ATRNL1: variants seen among roughly 807,000 people sequenced by gnomAD.
ATRNL1 encodes the protein attractin like 1, also known as attractin-like protein 1.
Under a neutral mutation model 182.7 loss-of-function variants are expected in ATRNL1, and 95 were observed. The observed-to-expected ratio is 0.52, with a 90% CI of 0.44 to 0.62. The LOEUF (loss-of-function observed/expected upper bound fraction) is 0.62. Ranked by LOEUF, ATRNL1 falls within the 20% of genes least tolerant of loss-of-function variation. The pLI, the probability that ATRNL1 is intolerant of heterozygous loss-of-function variation, is 0.00. For missense variants in ATRNL1, 1,471 were observed against 1,679.5 expected (o/e 0.88, Z 2.17); for synonymous variants, 576 against 568.3 (o/e 1.01, Z -0.19).
At position 115,172,434 on chromosome 10, in the gene ATRNL1, G is replaced by A. The variant is rs149387209; in HGVS notation, c.1348+1142G>A. 4.8e-3 allele frequency among the ~76,000 whole-genome samples: 734 copies of A among 151,982 alleles called. 5 individuals are homozygous for A. The highest frequency in any genetic ancestry group is 0.016 in the African/African-American group (647 of 41,510). The stretch of plus-strand genomic sequence containing the variant: ...CTGTCACTGTGTCCAGAATACATAA[G>A]GCAAATATTTTTATGTTGTAAATAT... On this transcript the variant is annotated intron_variant, in intron 8 of 28. Coordinates refer to ENST00000355044, the MANE Select transcript of ATRNL1 (RefSeq NM_207303.4).
At chr10:115,556,309 A>G (rs1473209154) in intron 26 of ATRNL1, among the ~76,000 whole-genome samples, 1 of 152,170 alleles carries the variant, frequency 6.6e-6, no homozygotes, top group Non-Finnish European at 1.5e-5. Flanking sequence ...GTCATATGTC[A>G]TTCATATTTA....
intron 27 of ATRNL1, among the ~76,000 whole-genome samples, 199 bp from the exon 28 acceptor site, chr10:115,847,678 T>C (rs1284669937): frequency 6.6e-6 from 1 of 152,102 alleles, no homozygotes. Context: ...TCGTCAAATA[T>C]AGTGAAATTT....
intron 26 of ATRNL1, among the ~76,000 whole-genome samples, chr10:115,578,463 C>T (rs1349061969): frequency 6.6e-6 from 1 of 151,650 alleles, no homozygotes; most frequent in Admixed American, 6.6e-5. Flanking sequence ...GCTATTTCTT[C>T]TCTGTTCAGT....
intron 21 of ATRNL1, among the ~76,000 whole-genome samples, chr10:115,427,179 A>G (rs1377772109): frequency 6.6e-6 from 1 of 152,126 alleles, no homozygotes; most frequent in African/African-American, 2.4e-5. Context: ...TAGGTGTGTA[A>G]TGGTATCTAA....
chr10:115,305,426 T>C (rs1258376269), intron 17 of ATRNL1, among the ~76,000 whole-genome samples: 2 of 152,126 alleles, frequency 1.3e-5, no homozygotes, highest in East Asian at 3.9e-4. Flanking sequence ...CCTGTTGATA[T>C]CCTTTTTTAG....
chr10:115,660,238 C>T (rs782297885), intron 26 of ATRNL1, among the ~76,000 whole-genome samples: 32 of 152,048 alleles, frequency 2.1e-4, no homozygotes, highest in Non-Finnish European at 4.0e-4. Context: ...ATTTGGGGGT[C>T]TGAATCCCTA....
intron 28 of ATRNL1, among the ~76,000 whole-genome samples, chr10:115,872,098 G>C (rs1301830233): frequency 6.6e-6 from 1 of 152,130 alleles, no homozygotes; most frequent in African/African-American, 2.4e-5. Context: ...GAGAAAATTG[G>C]GTTATCATCT....
At chr10:115,371,884 C>G (rs782771993) in intron 19 of ATRNL1, among the ~76,000 whole-genome samples, 5 of 152,106 alleles carry the variant, frequency 3.3e-5, no homozygotes, top group Non-Finnish European at 5.9e-5. Context: ...CCGTAATTCC[C>G]ATGTGTTGTG....
At chr10:115,276,330 A>G (rs145895087) in intron 13 of ATRNL1, among the ~76,000 whole-genome samples, 193 of 152,332 alleles carry the variant, frequency 1.3e-3, no homozygotes, top group African/African-American at 4.4e-3. Context: ...TCAGTCCATG[A>G]CAGACATTTA....
chr10:115,688,173 T>C (rs1443105172), intron 26 of ATRNL1, among the ~76,000 whole-genome samples: 1 of 152,184 alleles, frequency 6.6e-6, no homozygotes, highest in African/African-American at 2.4e-5. Context: ...TGAGTAGCAT[T>C]CCATTGTGTA....
chr10:115,737,337 G>C (rs1040154797), intron 27 of ATRNL1, among the ~76,000 whole-genome samples: 5 of 151,372 alleles, frequency 3.3e-5, no homozygotes, highest in Admixed American at 3.3e-4. Flanking sequence ...TCAGGAGTCT[G>C]AGGTGGGAGA....
intron 24 of ATRNL1, among the ~76,000 whole-genome samples, chr10:115,516,634 C>T (rs189950620): frequency 1.3e-5 from 2 of 151,888 alleles, no homozygotes; most frequent in African/African-American, 4.8e-5. Flanking sequence ...TCATGGCCAA[C>T]GACCTATGTG....
chr10:115,834,917 G>A (rs148133160), intron 27 of ATRNL1, among the ~76,000 whole-genome samples: 2,260 of 152,264 alleles, frequency 0.015, 33 homozygotes, highest in Non-Finnish European at 0.025. Context: ...ACATATTCAT[G>A]TTCTGGATTC....
intron 27 of ATRNL1, among the ~76,000 whole-genome samples, chr10:115,786,808 T>C (rs1287096637): frequency 6.6e-6 from 1 of 152,212 alleles, no homozygotes; most frequent in Non-Finnish European, 1.5e-5. Flanking sequence ...GTTTATTTAT[T>C]TGACCTACTA....
At chr10:115,827,841 T>C (rs1950471587) in intron 27 of ATRNL1, among the ~76,000 whole-genome samples, 1 of 152,116 alleles carries the variant, frequency 6.6e-6, no homozygotes, top group Non-Finnish European at 1.5e-5. Flanking sequence ...GTGGTCACAA[T>C]GAAATCATGG....
intron 20 of ATRNL1, among the ~76,000 whole-genome samples, chr10:115,413,338 C>T (rs952686244): frequency 5.9e-5 from 9 of 152,042 alleles, no homozygotes; most frequent in Middle Eastern, 3.4e-3. Context: ...GTGAATTAAA[C>T]GTGGAACAAA....
intron 13 of ATRNL1, among the ~76,000 whole-genome samples, chr10:115,275,319 C>T (rs1554914535): frequency 6.6e-6 from 1 of 152,124 alleles, no homozygotes; most frequent in Non-Finnish European, 1.5e-5. Flanking sequence ...TGACTGGTGG[C>T]CCACAGTGAT....
At chr10:115,674,229 G>A (rs1175322797) in intron 26 of ATRNL1, among the ~76,000 whole-genome samples, 1 of 151,998 alleles carries the variant, frequency 6.6e-6, no homozygotes, top group Admixed American at 6.6e-5. Flanking sequence ...TGAGCTATGA[G>A]TAGCATGATA....
intron 20 of ATRNL1, among the ~76,000 whole-genome samples, chr10:115,396,639 A>G (rs1165200098): frequency 6.6e-6 from 1 of 151,974 alleles, no homozygotes; most frequent in Non-Finnish European, 1.5e-5. Flanking sequence ...TGTAGACCAT[A>G]GTGGCAGTAT....
Sources: allele counts gnomAD v4.1 joint callset (sites outside exome capture counted in the v4.1 genomes callset), GRCh38; gene constraint gnomAD v4.1.1; transcripts MANE v1.5; gene names NCBI Gene and HGNC (gene_info 2026-07-23, HGNC 2026-07-21).